Variants in VSNL1 observed in about 807,000 individuals in gnomAD.
VSNL1 encodes the protein visinin like 1.
In VSNL1, 6 loss-of-function variants were observed where a neutral mutation model predicts 20.4. The ratio of observed to expected loss-of-function variants is 0.29; its 90% confidence interval spans 0.16 to 0.58. VSNL1 has a LOEUF of 0.58. Ranked by LOEUF, VSNL1 falls within the 20% of genes least tolerant of loss-of-function variation. VSNL1 has a pLI of 0.90. For missense variants in VSNL1, 100 were observed against 234.5 expected, an observed-to-expected ratio of 0.43 and a Z score of 3.75; for synonymous variants, 93 against 86.4, an observed-to-expected ratio of 1.08 and a Z score of -0.42.
chr2:17,582,679 C>G (rs979456119), intron 1 of VSNL1, among the ~76,000 whole-genome samples: 3 of 151,858 alleles, frequency 2.0e-5, no homozygotes, highest in Non-Finnish European at 4.4e-5. Context: ...CGGAGAGGAA[C>G]AAAGAATAAA....
intron 1 of VSNL1, among the ~76,000 whole-genome samples, chr2:17,549,935 C>A (rs1206572645): frequency 6.6e-6 from 1 of 152,138 alleles, no homozygotes; most frequent in African/African-American, 2.4e-5. Context: ...ACTTAGTAGT[C>A]ATTAAATGTG....
chr2:17,618,648 C>T (rs1471068842), intron 2 of VSNL1, among the ~76,000 whole-genome samples: 1 of 152,176 alleles, frequency 6.6e-6, no homozygotes, highest in African/African-American at 2.4e-5. Flanking sequence ...AATATGGGCC[C>T]TCAATAACCA....
chr2:17,589,742 A>C (rs1664556583), intron 1 of VSNL1, among the ~76,000 whole-genome samples: 1 of 152,254 alleles, frequency 6.6e-6, no homozygotes, highest in South Asian at 2.1e-4. Flanking sequence ...TGGAGAAGCC[A>C]AGCTTCCTTG....
Position 17,655,455 on chromosome 2 carries a change from T to TCACACACACACACACACA in VSNL1, c.*90_*107dup, listed in dbSNP as rs3064980. 8.6e-5 allele frequency: 46 copies of TCACACACACACACACACA among 537,522 alleles called. No individual in the cohort carries two copies. The highest frequency in any genetic ancestry group is 8.4e-4 in the African/African-American group (42 of 50,114). 33.3% of individuals were successfully genotyped at this position (537,522 alleles called of 1,614,324 possible). A position where few individuals can be genotyped will look rare whatever the true frequency, so the allele number is the denominator to read the frequency against. On this transcript the variant is annotated 3_prime_UTR_variant, in exon 4 of 4. Coordinates refer to ENST00000295156, the MANE Select transcript of VSNL1 (RefSeq NM_003385.5). This position sits in a 1 kb window ranked among gnomAD's most constrained non-coding sequence, Gnocchi z 5.2. The stretch of plus-strand genomic sequence containing the variant: ...AATGTTCCATTCAGTCTGCAGCTAT[T>TCACACACACACACACACA]CACACACACACACACACACACACAC...
chr2:17,541,541 G>T (rs1663284970), intron 1 of VSNL1: 1 of 152,224 alleles, frequency 6.6e-6, no homozygotes, highest in South Asian at 2.1e-4. Context: ...AAAAGGGAAA[G>T]ATGCTCTACT....
intron 2 of VSNL1, among the ~76,000 whole-genome samples, chr2:17,623,081 A>T (rs886495758): frequency 2.6e-5 from 4 of 152,210 alleles, no homozygotes; most frequent in African/African-American, 9.7e-5. Flanking sequence ...CATCCACCAC[A>T]ATGAGATAAG....
intron 1 of VSNL1, among the ~76,000 whole-genome samples, chr2:17,551,854 A>G (rs1663543322): frequency 6.6e-6 from 1 of 151,658 alleles, no homozygotes; most frequent in South Asian, 2.1e-4. Flanking sequence ...ATGAAAGCAG[A>G]AATCATTTAT....
chr2:17,586,183 T>A (rs1263438087), intron 1 of VSNL1, among the ~76,000 whole-genome samples: 2 of 152,198 alleles, frequency 1.3e-5, no homozygotes, highest in East Asian at 3.8e-4. Context: ...ATGGGGTTAG[T>A]GAGGAATCAG....
At chr2:17,589,630 C>G (rs956036720) in intron 1 of VSNL1, among the ~76,000 whole-genome samples, 1 of 152,190 alleles carries the variant, frequency 6.6e-6, no homozygotes, top group African/African-American at 2.4e-5. Context: ...GCACTTGAGT[C>G]TCCAAACTGT....
chr2:17,637,639 AG>A (rs1402892333), intron 2 of VSNL1, among the ~76,000 whole-genome samples: 1 of 152,028 alleles, frequency 6.6e-6, no homozygotes, highest in Non-Finnish European at 1.5e-5. Flanking sequence ...TTGCTTTCTG[AG>A]GACCCATTAG....
intron 1 of VSNL1, among the ~76,000 whole-genome samples, chr2:17,569,806 C>G (rs1417829333): frequency 6.6e-6 from 1 of 152,080 alleles, no homozygotes; most frequent in East Asian, 1.9e-4. Context: ...CAAGAAATTA[C>G]TGAAAACAGG....
chr2:17,603,550 T>G (rs567447764), intron 2 of VSNL1, among the ~76,000 whole-genome samples: 1 of 152,096 alleles, frequency 6.6e-6, no homozygotes, highest in Non-Finnish European at 1.5e-5. Context: ...ATGTGGGAAA[T>G]AGCAAGGAGT....
intron 1 of VSNL1, among the ~76,000 whole-genome samples, chr2:17,587,348 A>AACATAC (rs1553301051): frequency 1.5e-5 from 2 of 134,574 alleles, no homozygotes; most frequent in Admixed American, 7.3e-5. Flanking sequence ...GGCTGAGGGC[A>AACATAC]ACACACACAC....
intron 2 of VSNL1, among the ~76,000 whole-genome samples, chr2:17,593,499 C>T (rs921382083): frequency 6.6e-6 from 1 of 152,036 alleles, no homozygotes; most frequent in African/African-American, 2.4e-5. Flanking sequence ...AAGTGATGAA[C>T]CCAAGATTCA....
In VSNL1 at chr2:17,575,174, C is replaced by A. The variant is rs531233784; in HGVS notation, c.-5-16896C>A. Among the ~76,000 whole-genome samples, 151 of 152,272 alleles carry A rather than the reference C, an allele frequency of 9.9e-4. 1 individual carries two copies. The highest frequency in any genetic ancestry group is 3.4e-3 in the African/African-American group (142 of 41,548). The stretch of plus-strand genomic sequence containing the variant: ...TGGCCAAGAGCTGAACCTCTTCCTT[C>A]TGGATTGCAGGTACTGGGAAGGTAG... On this transcript the variant is annotated intron_variant, in intron 1 of 3. Coordinates refer to ENST00000295156, the MANE Select transcript of VSNL1 (RefSeq NM_003385.5).
chr2:17,644,694 G>T (rs925240125), intron 2 of VSNL1, among the ~76,000 whole-genome samples: 1 of 152,156 alleles, frequency 6.6e-6, no homozygotes, highest in Admixed American at 6.5e-5. Context: ...CTTGCTGAAA[G>T]AATCAGCTGG....
intron 2 of VSNL1, among the ~76,000 whole-genome samples, chr2:17,640,686 CTTT>C (rs960610207): frequency 2.0e-5 from 3 of 151,648 alleles, no homozygotes; most frequent in Non-Finnish European, 4.4e-5. Context: ...TGTTCCACTT[CTTT>C]TTTTTTCTTT....
intron 1 of VSNL1, among the ~76,000 whole-genome samples, chr2:17,558,635 C>T (rs999705831): frequency 1.3e-5 from 2 of 152,174 alleles, no homozygotes; most frequent in Admixed American, 1.3e-4. Flanking sequence ...ACCTAAGCCC[C>T]ATTTCTTAAC....
At chr2:17,580,820 AT>A (rs1664334015) in intron 1 of VSNL1, among the ~76,000 whole-genome samples, 1 of 152,204 alleles carries the variant, frequency 6.6e-6, no homozygotes, top group African/African-American at 2.4e-5. Context: ...AATGAAATAC[AT>A]TTTGTGCATT....
Sources: allele counts gnomAD v4.1 joint callset (sites outside exome capture counted in the v4.1 genomes callset), GRCh38; gene constraint gnomAD v4.1.1; non-coding constraint Gnocchi (gnomAD v3.1); transcripts MANE v1.5; gene names NCBI Gene and HGNC (gene_info 2026-07-23, HGNC 2026-07-21).